NDUFAF6: variants seen among roughly 807,000 people sequenced by gnomAD.
NDUFAF6 encodes the protein NADH:ubiquinone oxidoreductase complex assembly factor 6.
In NDUFAF6, 45 loss-of-function variants were observed where a neutral mutation model predicts 40.8. The ratio of observed to expected loss-of-function variants is 1.10; its 90% CI spans 0.87 to 1.42. The LOEUF (loss-of-function observed/expected upper bound fraction) is 1.42, where lower values mean the gene tolerates loss of function less well. Among genes scored for constraint, NDUFAF6 ranks in the 40% most tolerant of loss-of-function variants. NDUFAF6 has a pLI of 0.00. For synonymous variants in NDUFAF6, 185 were observed against 155.9 expected (o/e 1.19, Z -1.39); for missense variants, 435 against 418.5 (o/e 1.04, Z -0.34).
At chr8:95,056,127 A>T (rs1180457753) in intron 8 of NDUFAF6, among the ~76,000 whole-genome samples, 1 of 152,316 alleles carries the variant, frequency 6.6e-6, no homozygotes, top group East Asian at 1.9e-4. Context: ...AGATTTGTAC[A>T]TATTACTGTA....
At chr8:94,974,484 C>G (rs968633108) in intron 1 of NDUFAF6, 1 of 152,116 alleles carries the variant, frequency 6.6e-6, no homozygotes, top group African/African-American at 2.4e-5. Context: ...CTCCAGCTTT[C>G]AAGATATTGC....
chr8:95,005,249 C>T (rs1467176062), intron 2 of NDUFAF6, among the ~76,000 whole-genome samples: 5 of 152,018 alleles, frequency 3.3e-5, no homozygotes, highest in African/African-American at 2.4e-5. Flanking sequence ...AGACCCCCAC[C>T]AAGCTAGATA....
chr8:94,973,708 C>CA (rs34298876), intron 1 of NDUFAF6, among the ~76,000 whole-genome samples: 19,494 of 126,336 alleles, frequency 0.15, 1,502 homozygotes, highest in Middle Eastern at 0.23. Flanking sequence ...GACTCTGTCT[C>CA]AAAAAAAAAA....
intron 1 of NDUFAF6, 57 bp from the exon 2 acceptor site, chr8:95,031,938 T>G: frequency 1.3e-6 from 2 of 1,523,880 alleles, no homozygotes; most frequent in Non-Finnish European, 1.8e-6. Context: ...TAGTCAGTAT[T>G]TTTTTGTGCA....
At chr8:94,991,471 G>A (rs945162256) in intron 2 of NDUFAF6, among the ~76,000 whole-genome samples, 33 of 152,206 alleles carry the variant, frequency 2.2e-4, no homozygotes, top group African/African-American at 6.5e-4. Context: ...GTGACTCAGC[G>A]TTTCTAATTT....
chr8:95,064,413 C>T (rs1165766733), intron 9 of NDUFAF6, among the ~76,000 whole-genome samples: 5 of 152,128 alleles, frequency 3.3e-5, no homozygotes, highest in Admixed American at 3.3e-4. Flanking sequence ...ACACAACTAA[C>T]TCCCATGTGT....
At chr8:95,093,568 A>G (rs1809339605) in intron 2 of NDUFAF6, among the ~76,000 whole-genome samples, 1 of 152,188 alleles carries the variant, frequency 6.6e-6, no homozygotes, top group Non-Finnish European at 1.5e-5. Flanking sequence ...GAGGATTCCA[A>G]AAGATTTTTT....
downstream of NDUFAF6, among the ~76,000 whole-genome samples, chr8:95,105,218 T>G (rs1032317551): frequency 1.3e-5 from 2 of 152,038 alleles, no homozygotes; most frequent in East Asian, 1.9e-4. Flanking sequence ...TTCTAAGGAA[T>G]AAATAAGTCT....
At chr8:95,009,200 TAAAAAAAAAAAAAACGA>T (rs1189381607) in intron 2 of NDUFAF6, among the ~76,000 whole-genome samples, 1 of 133,926 alleles carries the variant, frequency 7.5e-6, no homozygotes, top group Admixed American at 7.6e-5. Context: ...ACCCTATCTC[TAAAAAAAAAAAAAACGA>T]AAAATAAAAT....
intron 2 of NDUFAF6, among the ~76,000 whole-genome samples, chr8:94,998,181 T>G (rs911196102): frequency 2.0e-5 from 3 of 152,236 alleles, no homozygotes; most frequent in Non-Finnish European, 4.4e-5. Context: ...AATCTTGTCT[T>G]TCTTATATTC....
chr8:95,032,572 G>T (rs1034470623), intron 2 of NDUFAF6, among the ~76,000 whole-genome samples: 2 of 152,212 alleles, frequency 1.3e-5, no homozygotes, highest in Non-Finnish European at 2.9e-5. Context: ...CCAAAGGAAG[G>T]AGAGATCCTC....
intron 1 of NDUFAF6, among the ~76,000 whole-genome samples, chr8:94,911,775 A>G (rs576925719): frequency 6.6e-6 from 1 of 152,354 alleles, no homozygotes; most frequent in East Asian, 1.9e-4. Flanking sequence ...CTTAATTTAG[A>G]CAACAAAATG....
exon 10 of NDUFAF6, chr8:95,075,771 C>G (rs1165807730): frequency 8.4e-7 from 1 of 1,184,218 alleles, no homozygotes; most frequent in Non-Finnish European, 1.1e-6. Flanking sequence ...GCTTGGAAAC[C>G]TTCTTGCTTA....
chr8:94,953,810 CTT>C (rs11365784), upstream of NDUFAF6, among the ~76,000 whole-genome samples: 8 of 151,656 alleles, frequency 5.3e-5, no homozygotes, highest in African/African-American at 1.5e-4. Flanking sequence ...TTATTGGATT[CTT>C]TTTTTTTTCT....
intron 2 of NDUFAF6, among the ~76,000 whole-genome samples, chr8:94,984,365 C>T (rs1050172511): frequency 6.6e-6 from 1 of 152,042 alleles, no homozygotes; most frequent in Non-Finnish European, 1.5e-5. Flanking sequence ...AAGTAAATTA[C>T]CTAAATGATT....
intron 2 of NDUFAF6, among the ~76,000 whole-genome samples, chr8:95,014,787 C>T (rs1827371610): frequency 6.6e-6 from 1 of 152,234 alleles, no homozygotes; most frequent in Admixed American, 6.5e-5. Context: ...AAAAATCTGT[C>T]TCCTTTTATT....
At chr8:95,106,173 G>C (rs936450926), downstream of NDUFAF6, among the ~76,000 whole-genome samples, 6 of 151,902 alleles carry the variant, frequency 3.9e-5, no homozygotes, top group African/African-American at 1.2e-4. Context: ...TACCCGGGAG[G>C]CTGAGGCAGG....
downstream of NDUFAF6, among the ~76,000 whole-genome samples, chr8:95,117,025 C>T (rs960111800): frequency 6.6e-6 from 1 of 152,162 alleles, no homozygotes; most frequent in African/African-American, 2.4e-5. Context: ...GAGAGAGAAC[C>T]TCTCTGCCCT....
chr8:95,048,404 G>A, intron 6 of NDUFAF6, 53 bp from the exon 7 acceptor site: 2 of 1,270,512 alleles, frequency 1.6e-6, no homozygotes, highest in Non-Finnish European at 2.3e-6. Flanking sequence ...TAGGTGAACT[G>A]TTGGAAGGAA....
Sources: gnomAD v4.1 joint callset for allele counts (sites outside exome capture counted in the v4.1 genomes callset) on GRCh38, gnomAD v4.1.1 for gene constraint, MANE v1.5 for transcripts, NCBI Gene and HGNC (gene_info 2026-07-23, HGNC 2026-07-21) for gene names.